Variants in UPF1 observed in about 807,000 individuals in gnomAD.
The protein encoded by UPF1 is regulator of nonsense transcripts 1.
Under a neutral mutation model 129.2 loss-of-function variants are expected in UPF1, and 9 were observed. The observed-to-expected ratio is 0.07, with a 90% confidence interval of 0.04 to 0.12. The LOEUF (loss-of-function observed/expected upper bound fraction) is 0.12, where lower values mean the gene tolerates loss of function less well. Ranked by LOEUF, UPF1 falls within the 10% of genes least tolerant of loss-of-function variation. The pLI is 1.00. For missense variants in UPF1, 788 were observed against 1,525.3 expected, an observed-to-expected ratio of 0.52 and a Z score of 8.05; for synonymous variants, 649 against 644.9, an observed-to-expected ratio of 1.01 and a Z score of -0.10.
chr19:18,849,676 A>G (rs753075631), intron 3 of UPF1: 25 of 201,854 alleles, frequency 1.2e-4, no homozygotes, highest in Non-Finnish European at 2.3e-4. Flanking sequence ...ATTTCAGAAG[A>G]AGCCACAGAA....
chr19:18,855,021 G>A lies in UPF1; in HGVS notation c.1408G>A (p.Asp470Asn). ...GCGCTTCACGGCGCAGGGCCTCCCCGACCTCAACCACTCCCAGGTGCGCGC... is the reference window on the plus strand; with the variant it reads ...GCGCTTCACGGCGCAGGGCCTCCCCAACCTCAACCACTCCCAGGTGCGCGC... Reference protein sequence around the residue: ...PKRFTAQGLPDLNHSQVYAVK... With the variant: ...PKRFTAQGLPNLNHSQVYAVK... The change falls in exon 10 of 24, where the codon GAC (aspartate) becomes AAC (asparagine). Residue 470 changes from aspartate to asparagine, a missense_variant. Coordinates refer to ENST00000262803, the MANE Select transcript of UPF1 (RefSeq NM_002911.4). 1 of 1,613,956 alleles carries A rather than the reference G, an allele frequency of 6.2e-7. No individual in the cohort carries two copies. Among genetic ancestry groups the A allele is most frequent in the Non-Finnish European group, 8.5e-7 (1 of 1,180,018 alleles).
At chr19:18,839,632 C>G (rs1459182695) in intron 1 of UPF1, among the ~76,000 whole-genome samples, 1 of 152,220 alleles carries the variant, frequency 6.6e-6, no homozygotes. Flanking sequence ...CCATGCTCCC[C>G]CGCCTTTAAG....
chr19:18,850,102 A>C lies in UPF1; in HGVS notation c.489A>C (p.Ala163=). ...ACATTGTAAATCACCTTGTGAGGGC[A>C]AAATGCAAAGAGGTGACCCTGCACA... is the stretch of plus-strand genomic sequence containing the variant. ...GSHIVNHLVR[A]KCKEVTLHKD... The change falls in exon 4 of 24, where the codon GCA becomes GCC. Residue 163 remains alanine (A), a synonymous_variant. Coordinates refer to ENST00000262803, the MANE Select transcript of UPF1 (RefSeq NM_002911.4). This position sits in a 1 kb window ranked among gnomAD's most constrained non-coding sequence, Gnocchi z 7.1. 1.2e-6 allele frequency: 2 copies of C among 1,614,238 alleles called. No homozygotes were observed. The highest frequency in any genetic ancestry group is 1.7e-6 in the Non-Finnish European group (2 of 1,180,040).
At chr19:18,861,059 C>G (rs45559441) in intron 17 of UPF1, 77 bp downstream of exon 17, 23 of 1,478,642 alleles carry the variant, frequency 1.6e-5, no homozygotes, top group Non-Finnish European at 1.6e-5. Flanking sequence ...AGTTACCCCC[C>G]AAGAGGGGCC....
chr19:18,860,497 T>C, intron 16 of UPF1, 59 bp downstream of exon 16: 6 of 1,538,866 alleles, frequency 3.9e-6, no homozygotes, highest in Non-Finnish European at 5.4e-6. Context: ...GAGAGGTTGT[T>C]GACCCATTCT....
In UPF1 at chr19:18,850,129, G is replaced by A; in HGVS notation, c.516G>A (p.Lys172=). Residue 172 remains lysine, a synonymous_variant, in exon 4 of 24, where the codon AAG becomes AAA. Transcript: ENST00000262803. The surrounding 1 kb of genome is among the most constrained non-coding windows in gnomAD (Gnocchi z 7.1). Reference sequence around the variant, plus strand: ...AATGCAAAGAGGTGACCCTGCACAAGGACGGGCCCCTGGGGGAGACAGTCC... The same window carrying A: ...AATGCAAAGAGGTGACCCTGCACAAAGACGGGCCCCTGGGGGAGACAGTCC... ...RAKCKEVTLH[K]DGPLGETVLE... The A allele has an allele frequency of 6.2e-7, 1 of 1,614,250 alleles. No individual in the cohort carries two copies. The highest frequency in any genetic ancestry group is 8.5e-7 in the Non-Finnish European group (1 of 1,180,044).
intron 2 of UPF1, among the ~76,000 whole-genome samples, chr19:18,847,531 C>G (rs1212470586): frequency 6.6e-6 from 1 of 152,210 alleles, no homozygotes; most frequent in Non-Finnish European, 1.5e-5. Flanking sequence ...CTCCTTATCC[C>G]CTCGGAGCTT....
chr19:18,863,655 G>T, intron 19 of UPF1, 43 bp downstream of exon 19: 1 of 1,568,800 alleles, frequency 6.4e-7, no homozygotes, highest in Non-Finnish European at 8.7e-7. Context: ...GGAGAAACCC[G>T]GGCCCAAAAC....
In UPF1 at chr19:18,863,626, C is replaced by G. The variant is rs777862167; in HGVS notation, c.2775+14C>G. On this transcript the variant is annotated intron_variant, in intron 19 of 23. Transcript: ENST00000262803. ...ACTATCAACCCGGTGAGCGCCTGCA[C>G]AGGACAGCAGGGCAGCACGGAGAAA... The G allele has an allele frequency of 3.7e-6, 6 of 1,606,776 alleles. No individual in the cohort carries two copies.
At chr19:18,864,047 A>T in intron 19 of UPF1, 123 bp from the exon 20 acceptor site, 1 of 827,834 alleles carries the variant, frequency 1.2e-6, no homozygotes, top group East Asian at 2.5e-5. Context: ...CTCCAGGGAG[A>T]GCCCCTGGCA....
intron 19 of UPF1, 136 bp downstream of exon 19, chr19:18,863,748 G>T: frequency 1.6e-6 from 2 of 1,231,038 alleles, no homozygotes; most frequent in Non-Finnish European, 1.1e-6. Context: ...TCTCCTAGGG[G>T]AGGGTGGGCC....
In UPF1 at chr19:18,850,053, G is replaced by C; in HGVS notation, c.462-22G>C. On this transcript the variant is annotated intron_variant, in intron 3 of 23. Coordinates refer to ENST00000262803, the MANE Select transcript of UPF1 (RefSeq NM_002911.4). The surrounding 1 kb of genome is among the most constrained non-coding windows in gnomAD (Gnocchi z 7.1). ...AAAAGCCAAATTTTGGGTGTTAACC[G>C]TTTATCATTTCCTGGTTTCAGCCAC... 1.2e-6 allele frequency: 2 copies of C among 1,613,856 alleles called. No homozygotes were observed. The highest frequency in any genetic ancestry group is 1.7e-6 in the Non-Finnish European group (2 of 1,179,932).
rs1225204988 is a variant in UPF1, at chr19:18,868,064, G to C, written c.*1547G>C. ...GGACGCTCCCTGCCCCATCCCGGCT[G>C]TTGGGCTGGGCCGCTTTGCCTCTGC... On this transcript the variant is annotated 3_prime_UTR_variant, in exon 24 of 24. Coordinates refer to ENST00000262803, the MANE Select transcript of UPF1 (RefSeq NM_002911.4). The C allele has an allele frequency of 6.3e-6, 1 of 159,758 alleles. No individual in the cohort carries two copies. The highest frequency in any genetic ancestry group is 2.4e-5 in the African/African-American group (1 of 41,592). The allele number at this position is 159,758 out of a possible 1,614,324, so 9.9% of individuals were successfully genotyped here. A position where few individuals can be genotyped will look rare whatever the true frequency, so the allele number is the denominator to read the frequency against.
chr19:18,863,391 ACGGG>A, intron 18 of UPF1, 43 bp from the exon 19 acceptor site: 1 of 1,591,766 alleles, frequency 6.3e-7, no homozygotes, highest in Admixed American at 1.7e-5. Flanking sequence ...GTCCTGTGAG[ACGGG>A]CAGCTCTCCA....
intron 17 of UPF1, 121 bp downstream of exon 17, chr19:18,861,103 C>T (rs2145967298): frequency 5.9e-6 from 8 of 1,345,458 alleles, no homozygotes; most frequent in Non-Finnish European, 7.9e-6. Context: ...GCCCAGGAAG[C>T]ACCAGCTGGC....
intron 23 of UPF1, 27 bp downstream of exon 23, chr19:18,866,193 C>T (rs1190117313): frequency 2.6e-6 from 4 of 1,545,958 alleles, no homozygotes; most frequent in Admixed American, 2.1e-5. Flanking sequence ...CAGGCCTGGC[C>T]CCACCCCAGC....
At chr19:18,847,881 A>T in intron 3 of UPF1, 48 bp downstream of exon 3, 1 of 1,570,040 alleles carries the variant, frequency 6.4e-7, no homozygotes, top group Non-Finnish European at 8.7e-7. Flanking sequence ...CTGTGCTCAG[A>T]TTTGTGTGTA....
chr19:18,860,137 G>T, intron 15 of UPF1, 184 bp from the exon 16 acceptor site: 1 of 637,502 alleles, frequency 1.6e-6, no homozygotes, highest in Non-Finnish European at 2.8e-6. Context: ...CCTCAGCCTT[G>T]CCCAATCCTG....
Position 18,832,088 on chromosome 19 carries a change from G to T in UPF1, c.-122G>T, listed in dbSNP as rs1371613175. On this transcript the variant is annotated 5_prime_UTR_variant, in exon 1 of 24. Coordinates refer to ENST00000262803, the MANE Select transcript of UPF1 (RefSeq NM_002911.4). This position sits in a 1 kb window ranked among gnomAD's most constrained non-coding sequence, Gnocchi z 5.6. The stretch of plus-strand genomic sequence containing the variant: ...GGCTGGCGCCGGGGCGCGCGGTTTG[G>T]TCCTTTCCGGGCGCGCGGGGGCGAC... The T allele has an allele frequency of 2.2e-5, 22 of 1,008,688 alleles. No individual in the cohort carries two copies. The highest frequency in any genetic ancestry group is 1.4e-4 in the South Asian group (6 of 41,954). 62.5% of individuals were successfully genotyped at this position (1,008,688 alleles called of 1,614,324 possible). A position where few individuals can be genotyped will look rare whatever the true frequency, so the allele number is the denominator to read the frequency against.
Sources: allele counts gnomAD v4.1 joint callset (sites outside exome capture counted in the v4.1 genomes callset), GRCh38; gene constraint gnomAD v4.1.1; non-coding constraint Gnocchi (gnomAD v3.1); transcripts MANE v1.5; gene names NCBI Gene and HGNC (gene_info 2026-07-23, HGNC 2026-07-21).